Variants in ACSS3 observed in about 807,000 individuals in gnomAD.
ACSS3 encodes the protein acyl-CoA synthetase short chain family member 3.
In ACSS3, 64 loss-of-function variants were observed where a neutral mutation model predicts 84.2. The ratio of observed to expected loss-of-function variants is 0.76; its 90% CI spans 0.62 to 0.94. ACSS3 has a LOEUF of 0.94. Among genes scored for constraint, ACSS3 ranks in the 40% least tolerant of loss-of-function variants. ACSS3 has a pLI of 0.00. For synonymous variants in ACSS3, 317 were observed against 310.1 expected (o/e 1.02, Z -0.23); for missense variants, 815 against 867.6 (o/e 0.94, Z 0.76).
chr12:81,146,577 G>T (rs780543929), intron 5 of ACSS3, among the ~76,000 whole-genome samples: 1 of 152,154 alleles, frequency 6.6e-6, no homozygotes, highest in Non-Finnish European at 1.5e-5. Flanking sequence ...AAGCATATTT[G>T]CATATCAGCA....
intron 4 of ACSS3, 100 bp downstream of exon 4, chr12:81,139,365 A>G (rs1212952473): frequency 7.7e-7 from 1 of 1,294,474 alleles, no homozygotes; most frequent in African/African-American, 1.5e-5. Flanking sequence ...TAAGCTATTA[A>G]GTATACTGCT....
At chr12:81,245,305 A>G (rs1289767293) in intron 13 of ACSS3, among the ~76,000 whole-genome samples, 3 of 152,150 alleles carry the variant, frequency 2.0e-5, no homozygotes, top group African/African-American at 4.8e-5. Context: ...ACTAAAAAAT[A>G]CAAAAAATTA....
chr12:81,213,588 TCCC>T (rs1565723261), intron 9 of ACSS3, among the ~76,000 whole-genome samples: 1 of 23,420 alleles, frequency 4.3e-5, no homozygotes. Flanking sequence ...TCTCCTCCCC[TCCC>T]CTCCCCTCCC....
At chr12:81,249,084 A>C (rs2136010258) in intron 13 of ACSS3, among the ~76,000 whole-genome samples, 1 of 152,098 alleles carries the variant, frequency 6.6e-6, no homozygotes, top group South Asian at 2.1e-4. Context: ...AGTAATAATC[A>C]AGTCTATTTT....
intron 2 of ACSS3, chr12:81,117,986 C>A (rs1884193552): frequency 6.6e-6 from 1 of 152,118 alleles, no homozygotes; most frequent in Admixed American, 6.6e-5. Context: ...CCTGCTTCCT[C>A]CCCATGTTTT....
chr12:81,183,536 C>T (rs535763547), intron 8 of ACSS3, among the ~76,000 whole-genome samples: 4 of 152,012 alleles, frequency 2.6e-5, no homozygotes, highest in Non-Finnish European at 5.9e-5. Context: ...ATGGATTAAA[C>T]AAGATTCACT....
At chr12:81,169,510 T>C (rs2135805367) in intron 7 of ACSS3, among the ~76,000 whole-genome samples, 1 of 152,220 alleles carries the variant, frequency 6.6e-6, no homozygotes, top group Admixed American at 6.5e-5. Flanking sequence ...AGGGAAAACA[T>C]TGGAAACCTC....
At chr12:81,142,404 A>G (rs928452503) in intron 4 of ACSS3, among the ~76,000 whole-genome samples, 1 of 152,104 alleles carries the variant, frequency 6.6e-6, no homozygotes, top group Admixed American at 6.5e-5. Flanking sequence ...TGGCCATTTC[A>G]TTGTCACTGT....
intron 9 of ACSS3, among the ~76,000 whole-genome samples, chr12:81,205,813 G>C (rs552699361): frequency 6.6e-6 from 1 of 152,072 alleles, no homozygotes; most frequent in Admixed American, 6.6e-5. Context: ...TCAGCATTGA[G>C]AACATTATGC....
At chr12:81,106,998 G>A (rs1883061737) in intron 1 of ACSS3, among the ~76,000 whole-genome samples, 1 of 151,982 alleles carries the variant, frequency 6.6e-6, no homozygotes, top group Non-Finnish European at 1.5e-5. Context: ...GGAGCTGTGG[G>A]GGTGGGGGTG....
intron 13 of ACSS3, among the ~76,000 whole-genome samples, chr12:81,243,446 G>A (rs554894257): frequency 6.6e-5 from 10 of 152,148 alleles, no homozygotes; most frequent in African/African-American, 2.4e-4. Context: ...AAGGTAATTT[G>A]TAGATTCAAT....
intron 1 of ACSS3, among the ~76,000 whole-genome samples, chr12:81,087,380 TGAA>T (rs920828905): frequency 1.3e-5 from 2 of 148,808 alleles, no homozygotes; most frequent in African/African-American, 5.0e-5. Context: ...TTTGGTAAGA[TGAA>T]GAAGAAGGAG....
At chr12:81,229,135 A>G (rs533148772) in intron 11 of ACSS3, among the ~76,000 whole-genome samples, 137 of 151,866 alleles carry the variant, frequency 9.0e-4, no homozygotes, top group African/African-American at 3.0e-3. Flanking sequence ...CTTTTTCTTT[A>G]GTATAATAGA....
intron 7 of ACSS3, among the ~76,000 whole-genome samples, chr12:81,153,451 G>A (rs1316262185): frequency 6.6e-6 from 1 of 151,590 alleles, no homozygotes; most frequent in African/African-American, 2.4e-5. Context: ...TGGCTAGTCT[G>A]ACAAATAATA....
At chr12:81,174,566 T>C (rs923624218) in intron 7 of ACSS3, 2 of 383,708 alleles carry the variant, frequency 5.2e-6, no homozygotes, top group Non-Finnish European at 9.1e-6. Flanking sequence ...GAAAAAATTG[T>C]AATTTGAAAG....
chr12:81,238,204 A>T (rs2033687105), intron 13 of ACSS3, among the ~76,000 whole-genome samples: 1 of 151,760 alleles, frequency 6.6e-6, no homozygotes, highest in East Asian at 1.9e-4. Context: ...ACCTGGGGTA[A>T]ATTCCACCTG....
chr12:81,108,513 G>A lies in ACSS3; in HGVS notation c.312-1047G>A, dbSNP rs146056254. 6.8e-4 allele frequency among the ~76,000 whole-genome samples: 104 copies of A among 151,924 alleles called. 1 individual carries two copies. The highest frequency in any genetic ancestry group is 2.2e-3 in the African/African-American group (90 of 41,454). ...AGGTTGGTCTTGAACTTCTGACCTC[G>A]TGATCCACCCACCTCAGCCTCCCAA... On this transcript the variant is annotated intron_variant, in intron 1 of 15. Coordinates refer to ENST00000548058, the MANE Select transcript of ACSS3 (RefSeq NM_024560.4).
chr12:81,236,337 A>T (rs957966920), intron 13 of ACSS3, among the ~76,000 whole-genome samples: 1 of 151,502 alleles, frequency 6.6e-6, no homozygotes, highest in African/African-American at 2.4e-5. Flanking sequence ...TACTGTTTTT[A>T]TACATTGATT....
At chr12:81,227,317 C>G (rs1485913950) in intron 11 of ACSS3, among the ~76,000 whole-genome samples, 1 of 151,076 alleles carries the variant, frequency 6.6e-6, no homozygotes, top group East Asian at 2.0e-4. Flanking sequence ...GAATGCTTGA[C>G]CAAATATCTG....
Sources: gnomAD v4.1 joint callset for allele counts (sites outside exome capture counted in the v4.1 genomes callset) on GRCh38, gnomAD v4.1.1 for gene constraint, MANE v1.5 for transcripts, NCBI Gene and HGNC (gene_info 2026-07-23, HGNC 2026-07-21) for gene names.